DGKI: variants seen among roughly 807,000 people sequenced by gnomAD.
DGKI encodes the protein diacylglycerol kinase iota.
A neutral mutation model predicts 147.5 loss-of-function variants in DGKI; 55 were observed. That is an observed-to-expected ratio of 0.37 (90% CI 0.30 to 0.47). DGKI has a LOEUF of 0.47. DGKI is among the 20% of genes least tolerant of loss of function. DGKI has a pLI of 1.00. For missense variants in DGKI, 1,007 were observed against 1,323.8 expected, an observed-to-expected ratio of 0.76 and a Z score of 3.71; for synonymous variants, 469 against 477.1, an observed-to-expected ratio of 0.98 and a Z score of 0.22.
At chr7:137,831,750 A>C (rs1286169010) in intron 1 of DGKI, among the ~76,000 whole-genome samples, 2 of 152,050 alleles carry the variant, frequency 1.3e-5, no homozygotes, top group Non-Finnish European at 2.9e-5. Context: ...CAAAGTCTGA[A>C]CTCATTTCAG....
intron 10 of DGKI, among the ~76,000 whole-genome samples, chr7:137,603,824 T>A (rs1327228097): frequency 6.6e-6 from 1 of 152,226 alleles, no homozygotes; most frequent in East Asian, 1.9e-4. Flanking sequence ...AAAAGCTACA[T>A]TCTGTTCACT....
chr7:137,638,525 T>C (rs776003508), intron 6 of DGKI, among the ~76,000 whole-genome samples: 24 of 105,688 alleles, frequency 2.3e-4, no homozygotes, highest in East Asian at 3.1e-4. Flanking sequence ...TGTATATATA[T>C]ACACACACAT....
At chr7:137,545,752 A>T (rs898906091) in intron 20 of DGKI, 2 of 476,410 alleles carry the variant, frequency 4.2e-6, no homozygotes, top group African/African-American at 2.0e-5. Context: ...GCTCCATTTC[A>T]AATCAAAGAG....
At chr7:137,632,092 T>C (rs929122657) in intron 6 of DGKI, among the ~76,000 whole-genome samples, 1 of 152,218 alleles carries the variant, frequency 6.6e-6, no homozygotes, top group Non-Finnish European at 1.5e-5. Flanking sequence ...GTGCACTTAC[T>C]GTAAGATTGA....
intron 31 of DGKI, among the ~76,000 whole-genome samples, chr7:137,396,830 T>C (rs969813762): frequency 6.6e-6 from 1 of 152,210 alleles, no homozygotes; most frequent in Non-Finnish European, 1.5e-5. Flanking sequence ...TATCATCAGT[T>C]TAGGCACCAT....
At chr7:137,452,179 C>T (rs1044342045) in intron 27 of DGKI, among the ~76,000 whole-genome samples, 3 of 152,148 alleles carry the variant, frequency 2.0e-5, no homozygotes, top group Non-Finnish European at 4.4e-5. Context: ...GATGGGGCCA[C>T]CACATAGAGA....
chr7:137,659,476 C>A (rs1050277602), intron 3 of DGKI, among the ~76,000 whole-genome samples: 1 of 152,160 alleles, frequency 6.6e-6, no homozygotes, highest in South Asian at 2.1e-4. Flanking sequence ...AGTTAGGTTG[C>A]AATTTTTCAT....
chr7:137,832,232 C>A (rs892708688), intron 1 of DGKI, among the ~76,000 whole-genome samples: 2 of 152,216 alleles, frequency 1.3e-5, no homozygotes, highest in Admixed American at 1.3e-4. Flanking sequence ...ATAGGTGGTG[C>A]CCCAGGAGGG....
chr7:137,517,323 G>GAAAGAAAGAAAGAAAGAAAGAA (rs1563064007), intron 21 of DGKI, among the ~76,000 whole-genome samples: 8 of 99,710 alleles, frequency 8.0e-5, no homozygotes, highest in African/African-American at 1.3e-4. Flanking sequence ...AAGAAAGAAA[G>GAAAGAAAGAAAGAAAGAAAGAA]AAAGAAAGAA....
At chr7:137,673,863 C>A (rs1822936967) in intron 3 of DGKI, among the ~76,000 whole-genome samples, 1 of 152,198 alleles carries the variant, frequency 6.6e-6, no homozygotes, top group Admixed American at 6.5e-5. Flanking sequence ...TTTGTATAGC[C>A]TAGCCCCAGA....
At position 137,564,775 on chromosome 7, in the gene DGKI, T is replaced by G. The variant is rs370027486; in HGVS notation, c.1947+6400A>C. 1.2e-4 allele frequency among the ~76,000 whole-genome samples: 19 copies of G among 152,364 alleles called. No individual in the cohort carries two copies. The South Asian group carries it at 3.7e-3, about 30-fold the overall frequency. On this transcript the variant is annotated intron_variant, in intron 19 of 32. Coordinates refer to ENST00000614521, the MANE Select transcript of DGKI (RefSeq NM_001321708.2). Reference sequence around the variant, plus strand: ...AAACATCATTTATGTCTGTATCCATTAACACATTTTCAACATCTGTTGGAT... The same window carrying G: ...AAACATCATTTATGTCTGTATCCATGAACACATTTTCAACATCTGTTGGAT...
Position 137,846,546 on chromosome 7 carries a change from G to A in DGKI, c.317C>T (p.Pro106Leu). The change falls in exon 1 of 33, where the codon CCC (proline) becomes CTC (leucine). Residue 106 changes from proline (P) to leucine (L), a missense_variant. Pro to Leu is a moderately conservative substitution (Grantham distance 98, BLOSUM62 -3). Around this residue, in one of 5 missense-constraint regions of DGKI, gnomAD observed 259 missense variants for 362.5 expected, o/e 0.71. Coordinates refer to ENST00000614521, the MANE Select transcript of DGKI (RefSeq NM_001321708.2). The surrounding 1 kb of genome is among the most constrained non-coding windows in gnomAD (Gnocchi z 4.0). ...AAAGAAALDE[P>L]AAAGQKEKDE... Reference sequence around the variant, plus strand: ...CTTCTCCTTCTGGCCGGCGGCCGCGGGCTCGTCCAGGGCAGCGGCCCCCGC... The same window carrying A: ...CTTCTCCTTCTGGCCGGCGGCCGCGAGCTCGTCCAGGGCAGCGGCCCCCGC... 3 of 1,539,734 alleles carry A rather than the reference G, an allele frequency of 1.9e-6. No homozygotes were observed. In the South Asian group the frequency reaches 3.4e-5, roughly 17 times the overall value.
chr7:137,798,227 G>A (rs1797091342), intron 1 of DGKI, among the ~76,000 whole-genome samples: 1 of 152,096 alleles, frequency 6.6e-6, no homozygotes, highest in African/African-American at 2.4e-5. Context: ...GGAAAGCCCA[G>A]ACCCAGAGGG....
chr7:137,516,110 G>T (rs1054240141), intron 21 of DGKI, among the ~76,000 whole-genome samples: 2 of 151,940 alleles, frequency 1.3e-5, no homozygotes, highest in African/African-American at 2.4e-5. Flanking sequence ...AAATGAGGGG[G>T]AAAGATTCAA....
At chr7:137,574,477 T>A (rs1415301867) in intron 17 of DGKI, among the ~76,000 whole-genome samples, 1 of 152,192 alleles carries the variant, frequency 6.6e-6, no homozygotes, top group Non-Finnish European at 1.5e-5. Context: ...ATGGTTGCAT[T>A]GCAGAAAGAT....
intron 8 of DGKI, among the ~76,000 whole-genome samples, chr7:137,618,142 TATATATA>T (rs1318695213): frequency 0.019 from 238 of 12,346 alleles, 33 homozygotes; most frequent in Non-Finnish European, 0.035. Flanking sequence ...TATATATATA[TATATATA>T]TATTTTTTTT....
At chr7:137,716,647 C>G (rs1392351027) in intron 1 of DGKI, among the ~76,000 whole-genome samples, 1 of 152,180 alleles carries the variant, frequency 6.6e-6, no homozygotes, top group Non-Finnish European at 1.5e-5. Context: ...AAACCAAGAG[C>G]AAACATGTCA....
At chr7:137,740,939 G>T in intron 1 of DGKI, among the ~76,000 whole-genome samples, 1 of 152,146 alleles carries the variant, frequency 6.6e-6, no homozygotes, top group East Asian at 1.9e-4. Flanking sequence ...GTCACACGCT[G>T]AGTAACTAGG....
chr7:137,499,807 G>A (rs1358419318), intron 21 of DGKI, among the ~76,000 whole-genome samples: 1 of 152,034 alleles, frequency 6.6e-6, no homozygotes, highest in Non-Finnish European at 1.5e-5. Flanking sequence ...CACTATAATT[G>A]CATGAGCCAA....
Sources: gnomAD v4.1 joint callset for allele counts (sites outside exome capture counted in the v4.1 genomes callset) on GRCh38, gnomAD v4.1.1 for gene constraint, gnomAD v4.1.1 regional missense constraint, Gnocchi (gnomAD v3.1) non-coding constraint, MANE v1.5 for transcripts, NCBI Gene and HGNC (gene_info 2026-07-23, HGNC 2026-07-21) for gene names.